SORCS2: variants seen among roughly 807,000 people sequenced by gnomAD.
SORCS2 encodes the protein sortilin related VPS10 domain containing receptor 2.
SORCS2 carries 100 observed loss-of-function variants against 141.6 expected under a neutral mutation model. The ratio of observed to expected loss-of-function variants is 0.71; its 90% confidence interval spans 0.60 to 0.83. SORCS2 has a LOEUF of 0.83. Among genes scored for constraint, SORCS2 ranks in the 40% least tolerant of loss-of-function variants. The pLI, the probability that SORCS2 is intolerant of heterozygous loss-of-function variation, is 0.00. For missense variants in SORCS2, 1,646 were observed against 1,560.2 expected (o/e 1.05, Z -0.93); for synonymous variants, 789 against 676.9 (o/e 1.17, Z -2.57).
chr4:7,380,825 C>T (rs1432372010), intron 1 of SORCS2, among the ~76,000 whole-genome samples: 2 of 152,228 alleles, frequency 1.3e-5, no homozygotes, highest in Non-Finnish European at 2.9e-5. Context: ...GTGGCTCACG[C>T]CTGTAATCCC....
At chr4:7,721,612 A>G (rs1041701543) in intron 18 of SORCS2, among the ~76,000 whole-genome samples, 2 of 152,270 alleles carry the variant, frequency 1.3e-5, no homozygotes, top group Admixed American at 6.5e-5. Flanking sequence ...GAAAGAGAAT[A>G]GAAATTATCA....
At chr4:7,525,856 C>CCTGTCCCCTCCTCAGTCAT (rs1733648094) in intron 2 of SORCS2, among the ~76,000 whole-genome samples, 1 of 140,954 alleles carries the variant, frequency 7.1e-6, no homozygotes, top group African/African-American at 2.7e-5. Flanking sequence ...CCTGCAGTCA[C>CCTGTCCCCTCCTCAGTCAT]CTGTCCCCTC....
At chr4:7,662,338 G>C (rs546708114) in intron 6 of SORCS2, among the ~76,000 whole-genome samples, 1 of 151,760 alleles carries the variant, frequency 6.6e-6, no homozygotes, top group South Asian at 2.1e-4. Context: ...GTTTGCCTGG[G>C]GTCACAAGGT....
chr4:7,512,516 G>A (rs1732727289), intron 2 of SORCS2, among the ~76,000 whole-genome samples: 1 of 152,084 alleles, frequency 6.6e-6, no homozygotes. Context: ...AACCCTTAGT[G>A]CCACGGGTGC....
chr4:7,210,108 G>T (rs1414213198), intron 1 of SORCS2, among the ~76,000 whole-genome samples: 3 of 152,198 alleles, frequency 2.0e-5, no homozygotes, highest in African/African-American at 7.2e-5. Flanking sequence ...ATCAGGGAGG[G>T]TCTCTCAGAG....
At chr4:7,579,662 T>C (rs766547193) in intron 3 of SORCS2, among the ~76,000 whole-genome samples, 1 of 152,192 alleles carries the variant, frequency 6.6e-6, no homozygotes, top group Non-Finnish European at 1.5e-5. Flanking sequence ...TCACTGACAC[T>C]GAATGTACTT....
intron 3 of SORCS2, among the ~76,000 whole-genome samples, chr4:7,548,986 G>T (rs1577732377): frequency 6.6e-6 from 1 of 152,102 alleles, no homozygotes; most frequent in Non-Finnish European, 1.5e-5. Flanking sequence ...TCATTGGCTG[G>T]GCTTGGGTCG....
intron 2 of SORCS2, among the ~76,000 whole-genome samples, chr4:7,499,657 T>C (rs1427037056): frequency 6.6e-6 from 1 of 151,004 alleles, no homozygotes; most frequent in Non-Finnish European, 1.5e-5. Context: ...ACACTGGCCA[T>C]CCCCCCTCAT....
At chr4:7,647,019 A>C (rs866553535) in intron 4 of SORCS2, among the ~76,000 whole-genome samples, 1 of 152,006 alleles carries the variant, frequency 6.6e-6, no homozygotes, top group Non-Finnish European at 1.5e-5. Flanking sequence ...AGGCCGGGAG[A>C]CCCGGACTCT....
intron 1 of SORCS2, among the ~76,000 whole-genome samples, chr4:7,322,406 T>C (rs1410334511): frequency 6.6e-6 from 1 of 152,226 alleles, no homozygotes; most frequent in East Asian, 1.9e-4. Flanking sequence ...TTGCTGAGCC[T>C]GCTCTCACTT....
chr4:7,718,230 C>T lies in SORCS2; in HGVS notation c.2424+47C>T, dbSNP rs777489938. The stretch of plus-strand genomic sequence containing the variant: ...GGCTCCTGGGACTGTCGGGCAGGGG[C>T]GGCTCCAACTGGGCACGCAGAAGGC... On this transcript the variant is annotated intron_variant, in intron 18 of 26. Transcript: ENST00000507866. 20 of 1,579,374 alleles carry T rather than the reference C, an allele frequency of 1.3e-5. No individual in the cohort carries two copies. The Admixed American group carries it at 1.8e-4, about 14-fold the overall frequency.
At position 7,343,415 on chromosome 4, in the gene SORCS2, C is replaced by T. The variant is rs890940688; in HGVS notation, c.481-52873C>T. On this transcript the variant is annotated intron_variant, in intron 1 of 26. Coordinates refer to ENST00000507866, the MANE Select transcript of SORCS2 (RefSeq NM_020777.3). Reference sequence around the variant, plus strand: ...GCCTCAGCTTCTTCACATGTAAGGTCGGCGTCCCTGTCCCCACACTGGAAC... The same window carrying T: ...GCCTCAGCTTCTTCACATGTAAGGTTGGCGTCCCTGTCCCCACACTGGAAC... Among the ~76,000 whole-genome samples the T allele has an allele frequency of 7.9e-5, 12 of 152,320 alleles. No homozygotes were observed. In the East Asian group the frequency reaches 1.9e-3, roughly 24 times the overall value.
chr4:7,389,111 CTTG>C (rs1004827411), intron 1 of SORCS2, among the ~76,000 whole-genome samples: 1 of 152,162 alleles, frequency 6.6e-6, no homozygotes, highest in Non-Finnish European at 1.5e-5. Flanking sequence ...TGGAAAGCGG[CTTG>C]TTGGTGAACA....
intron 3 of SORCS2, among the ~76,000 whole-genome samples, chr4:7,535,834 C>T (rs931423038): frequency 1.3e-5 from 2 of 152,232 alleles, no homozygotes; most frequent in African/African-American, 4.8e-5. Context: ...ATTGCCCTGG[C>T]CCTGCTGATC....
chr4:7,249,430 C>G (rs1713332841), intron 1 of SORCS2, among the ~76,000 whole-genome samples: 1 of 152,158 alleles, frequency 6.6e-6, no homozygotes, highest in South Asian at 2.1e-4. Flanking sequence ...GCACAGTGTC[C>G]CTTCAGCTGT....
At chr4:7,724,943 G>GGCA (rs1727087680) in intron 19 of SORCS2, among the ~76,000 whole-genome samples, 1 of 96,158 alleles carries the variant, frequency 1.0e-5, no homozygotes, top group Non-Finnish European at 2.3e-5. Context: ...TAGTGGTGAT[G>GGCA]GTGGTGGTGT....
intron 1 of SORCS2, among the ~76,000 whole-genome samples, chr4:7,199,333 G>A (rs564416341): frequency 2.6e-5 from 4 of 152,324 alleles, no homozygotes; most frequent in African/African-American, 7.2e-5. Flanking sequence ...AGAGCAAGGT[G>A]GGGCAGGGGA....
intron 1 of SORCS2, among the ~76,000 whole-genome samples, chr4:7,320,751 T>C (rs796621564): frequency 6.6e-6 from 1 of 151,982 alleles, no homozygotes; most frequent in East Asian, 1.9e-4. Context: ...AGGTCAAGGG[T>C]GAGATGGAAA....
chr4:7,524,018 T>G (rs957125644), intron 2 of SORCS2, among the ~76,000 whole-genome samples: 2 of 152,198 alleles, frequency 1.3e-5, no homozygotes, highest in African/African-American at 2.4e-5. Flanking sequence ...GGAGATTTAA[T>G]GAAGTAGGCA....
Sources: gnomAD v4.1 joint callset for allele counts (sites outside exome capture counted in the v4.1 genomes callset) on GRCh38, gnomAD v4.1.1 for gene constraint, MANE v1.5 for transcripts, NCBI Gene and HGNC (gene_info 2026-07-23, HGNC 2026-07-21) for gene names.